Variants in TRMT61A observed in about 807,000 individuals in gnomAD.
The protein encoded by TRMT61A is tRNA (adenine(58)-N(1))-methyltransferase catalytic subunit TRMT61A.
TRMT61A carries 15 observed loss-of-function variants against 21.3 expected under a neutral mutation model. That is an observed-to-expected ratio of 0.70 (90% CI 0.47 to 1.08). The LOEUF (loss-of-function observed/expected upper bound fraction) is 1.08. TRMT61A is among the 50% of genes least tolerant of loss of function. TRMT61A has a pLI of 0.00. For synonymous variants in TRMT61A, 183 were observed against 185.5 expected (o/e 0.99, Z 0.11); for missense variants, 352 against 426.7 (o/e 0.83, Z 1.54).
chr14:103,529,323 GC>G, intron 1 of TRMT61A, 62 bp downstream of exon 1: 1 of 218,872 alleles, frequency 4.6e-6, no homozygotes, highest in South Asian at 4.1e-5. Context: ...GCCGGGCACG[GC>G]GCGCAGGGCC....
chr14:103,529,612 A>T lies in TRMT61A; in HGVS notation c.-29-338A>T, dbSNP rs114539897. Among the ~76,000 whole-genome samples the T allele has an allele frequency of 1.6e-3, 245 of 152,354 alleles. 1 individual carries two copies. The highest frequency in any genetic ancestry group is 5.6e-3 in the African/African-American group (231 of 41,600). On this transcript the variant is annotated intron_variant, in intron 1 of 3. Coordinates refer to ENST00000389749, the MANE Select transcript of TRMT61A (RefSeq NM_152307.3). ...CGCTTCCTCATCTCACATCTTGGGA[A>T]TGGGAGTCAAGCTCCTGGAGAAGGG...
chr14:103,532,243 C>G (rs2075956975), intron 2 of TRMT61A, among the ~76,000 whole-genome samples: 1 of 152,146 alleles, frequency 6.6e-6, no homozygotes, highest in South Asian at 2.1e-4. Flanking sequence ...ACAGATTTCC[C>G]CGGAGGCTCC....
Position 103,535,589 on chromosome 14 carries a change from C to T in TRMT61A, c.*768C>T, listed in dbSNP as rs2075971171. ...AGGCAACCAGGCAAGTGTGTCGGGG[C>T]TGGGGTGTGAATGCCAGCCTGTGAG... is the stretch of plus-strand genomic sequence containing the variant. On this transcript the variant is annotated 3_prime_UTR_variant, in exon 4 of 4. Transcript: ENST00000389749. 6.0e-6 allele frequency: 2 copies of T among 335,234 alleles called. No homozygotes were observed. The highest frequency in any genetic ancestry group is 1.2e-5 in the Non-Finnish European group (2 of 168,576). The allele number at this position is 335,234 out of a possible 1,614,324, so 20.8% of individuals were successfully genotyped here.
At position 103,535,531 on chromosome 14, in the gene TRMT61A, C is replaced by T. The variant is rs748795314; in HGVS notation, c.*710C>T. ...CACTCGCTGAGGCCAGGCAGCGCTG[C>T]GGAGAGGAGCGGCAGAGTGGGTTGT... On this transcript the variant is annotated 3_prime_UTR_variant, in exon 4 of 4. Transcript: ENST00000389749. The T allele has an allele frequency of 1.0e-4, 35 of 344,868 alleles. No individual in the cohort carries two copies. The highest frequency in any genetic ancestry group is 1.4e-4 in the Non-Finnish European group (24 of 173,294). 21.4% of individuals were successfully genotyped at this position (344,868 alleles called of 1,614,324 possible). A position where few individuals can be genotyped will look rare whatever the true frequency, so the allele number is the denominator to read the frequency against.
In TRMT61A at chr14:103,531,615, GGAGGGGCTGGACAGGTGGGGA is replaced by G. The variant is rs902522863; in HGVS notation, c.332-956_332-936del. Reference sequence around the variant, plus strand: ...AGGCAGCAGGCTGGGGGCACCCAGGGGAGGGGCTGGACAGGTGGGGAGAGGGGCTGGCCCCTGAAAGGAATG... The same window carrying G: ...AGGCAGCAGGCTGGGGGCACCCAGGGGAGGGGCTGGCCCCTGAAAGGAATG... On this transcript the variant is annotated intron_variant, in intron 2 of 3. Coordinates refer to ENST00000389749, the MANE Select transcript of TRMT61A (RefSeq NM_152307.3). The surrounding 1 kb of genome is among the most constrained non-coding windows in gnomAD (Gnocchi z 5.1). Among the ~76,000 whole-genome samples, 1 of 152,142 alleles carries G rather than the reference GGAGGGGCTGGACAGGTGGGGA, an allele frequency of 6.6e-6. No individual in the cohort carries two copies. Among genetic ancestry groups the G allele is most frequent in the Non-Finnish European group, 1.5e-5 (1 of 68,010 alleles).
In TRMT61A at chr14:103,534,559, TCTG is replaced by T. The variant is rs1163104760; in HGVS notation, c.611_613del (p.Cys204del). On this transcript the variant is annotated inframe_deletion, in exon 4 of 4. Transcript: ENST00000389749. ...GTCCTGTTTCCCACAGGCGGGCGCT[TCTG>T]CTCCTTCTCACCGTGCATCGAGCAG... 6.4e-7 allele frequency: 1 copy of T among 1,561,730 alleles called. No homozygotes were observed.
Position 103,535,023 on chromosome 14 carries a change from C to A in TRMT61A, c.*202C>A, listed in dbSNP as rs1347729528. On this transcript the variant is annotated 3_prime_UTR_variant, in exon 4 of 4. Transcript: ENST00000389749. ...TGCTGGGGCTGGGCCTCAGCCATTC[C>A]TGTCCAGCCCTGTGGCCCATCCCAG... The A allele has an allele frequency of 1.4e-6, 1 of 730,888 alleles. No individual in the cohort carries two copies. The highest frequency in any genetic ancestry group is 2.0e-5 in the Admixed American group (1 of 49,978). 45.3% of individuals were successfully genotyped at this position (730,888 alleles called of 1,614,324 possible).
At chr14:103,530,415 TA>T (rs2075950245) in intron 2 of TRMT61A, 106 bp downstream of exon 2, 1 of 1,001,084 alleles carries the variant, frequency 1.0e-6, no homozygotes, top group African/African-American at 1.6e-5. Context: ...CCTCAGTTTC[TA>T]TTTTCACATC....
At position 103,531,172 on chromosome 14, in the gene TRMT61A, C is replaced by T. The variant is rs145749898; in HGVS notation, c.331+863C>T. Among the ~76,000 whole-genome samples the T allele has an allele frequency of 6.6e-6, 1 of 152,284 alleles. No homozygotes were observed. Among genetic ancestry groups the T allele is most frequent in the African/African-American group, 2.4e-5 (1 of 41,566 alleles). On this transcript the variant is annotated intron_variant, in intron 2 of 3. Transcript: ENST00000389749. The surrounding 1 kb of genome is among the most constrained non-coding windows in gnomAD (Gnocchi z 5.1). ...CCTCCTCAGATATGCCAGGTCCCCT[C>T]CTAGGAACCGTGAACTAGAGAGACC...
chr14:103,530,461 A>C, intron 2 of TRMT61A, 152 bp downstream of exon 2: 1 of 723,300 alleles, frequency 1.4e-6, no homozygotes, highest in Non-Finnish European at 2.2e-6. Flanking sequence ...GTGAAGGTGG[A>C]GGCAGAGAAG....
intron 3 of TRMT61A, among the ~76,000 whole-genome samples, chr14:103,533,171 A>G (rs911552): frequency 0.42 from 64,481 of 151,962 alleles, 14,083 homozygotes; most frequent in East Asian, 0.53. Context: ...GTTTCCCAAA[A>G]CCTCTCCTCC....
chr14:103,536,395 T>C lies in TRMT61A; in HGVS notation c.*1574T>C, dbSNP rs1206102034. 6.6e-6 allele frequency: 1 copy of C among 152,412 alleles called. No individual in the cohort carries two copies. The highest frequency in any genetic ancestry group is 1.5e-5 in the Non-Finnish European group (1 of 68,212). The allele number at this position is 152,412 out of a possible 1,614,324, so 9.4% of individuals were successfully genotyped here. On this transcript the variant is annotated 3_prime_UTR_variant, in exon 4 of 4. Transcript: ENST00000389749. ...ACTGTGGGTCACCGGGGGCTGTGGC[T>C]AATGTGGTCCGGGAGGCCTGTGTCC...
rs761857212 is a variant in TRMT61A at position 103,532,744 on chromosome 14, G to A, written c.494G>A (p.Cys165Tyr). ...RWVTVRTQDV[C>Y]RSGFGVSHVA... Reference sequence around the variant, plus strand: ...GTGACTGTGCGCACCCAGGACGTGTGCCGCAGTGGCTTTGGCGTGAGCCAC... The same window carrying A: ...GTGACTGTGCGCACCCAGGACGTGTACCGCAGTGGCTTTGGCGTGAGCCAC... The change falls in exon 3 of 4, where the codon TGC becomes TAC. Residue 165 changes from cysteine to tyrosine, a missense_variant. Cys to Tyr is a radical substitution (Grantham distance 194, BLOSUM62 -2). Transcript: ENST00000389749. The A allele has an allele frequency of 1.9e-6, 3 of 1,603,474 alleles. No individual in the cohort carries two copies. Among genetic ancestry groups the A allele is most frequent in the South Asian group, 2.2e-5 (2 of 89,818 alleles).
Position 103,535,441 on chromosome 14 carries a change from C to G in TRMT61A, c.*620C>G. On this transcript the variant is annotated 3_prime_UTR_variant, in exon 4 of 4. Coordinates refer to ENST00000389749, the MANE Select transcript of TRMT61A (RefSeq NM_152307.3). ...TCACAGCACTGAGCTCAGCCCAGGC[C>G]TTCGTCCACTCATGTCCAAGAGGCG... 2.3e-6 allele frequency: 1 copy of G among 427,228 alleles called. No homozygotes were observed. The highest frequency in any genetic ancestry group is 1.7e-5 in the South Asian group (1 of 60,228). The allele number at this position is 427,228 out of a possible 1,614,324, so 26.5% of individuals were successfully genotyped here.
At chr14:103,533,508 T>A (rs1222737384) in intron 3 of TRMT61A, among the ~76,000 whole-genome samples, 1 of 152,182 alleles carries the variant, frequency 6.6e-6, no homozygotes, top group Admixed American at 6.5e-5. Context: ...TGGGTCCTGG[T>A]CTCTGCTGAG....
rs117504514 is a variant in TRMT61A at position 103,535,197 on chromosome 14, A to G, written c.*376A>G. The G allele has an allele frequency of 1.2e-3, 617 of 501,670 alleles. 7 individuals carry two copies. In the East Asian group the frequency reaches 0.025, roughly 20 times the overall value. 31.1% of individuals were successfully genotyped at this position (501,670 alleles called of 1,614,324 possible). On this transcript the variant is annotated 3_prime_UTR_variant, in exon 4 of 4. Transcript: ENST00000389749. ...GAGGGAGGGGGGCATTGACCCTGAG[A>G]CCACGCTGCGTCTGACCCCTGGGCC...
chr14:103,530,126 A>G lies in TRMT61A; in HGVS notation c.148A>G (p.Ile50Val). The G allele has an allele frequency of 6.2e-7, 1 of 1,612,932 alleles. No individual in the cohort carries two copies. Among genetic ancestry groups the G allele is most frequent in the Non-Finnish European group, 8.5e-7 (1 of 1,180,002 alleles). The stretch of plus-strand genomic sequence containing the variant: ...TGTCCTGCGGCACTCAGTTGACCTT[A>G]TCGGCCGCCCCTTCGGCTCCAAGGT... ...HGVLRHSVDL[I>V]GRPFGSKVTC... The change falls in exon 2 of 4, where the codon ATC becomes GTC. Residue 50 changes from isoleucine (I) to valine (V), a missense_variant. Transcript: ENST00000389749.
rs1243632723 is a variant in TRMT61A, at chr14:103,531,485, G to A, written c.332-1097G>A. 6.6e-6 allele frequency among the ~76,000 whole-genome samples: 1 copy of A among 152,226 alleles called. No individual in the cohort carries two copies. Among genetic ancestry groups the A allele is most frequent in the African/African-American group, 2.4e-5 (1 of 41,468 alleles). On this transcript the variant is annotated intron_variant, in intron 2 of 3. Transcript: ENST00000389749. The surrounding 1 kb of genome is among the most constrained non-coding windows in gnomAD (Gnocchi z 5.1). ...TCAGGCTCAGTGGGGGAGGCAGAGG[G>A]GCTGGGAGTGAGGTTGGAGGGGAAG... is the stretch of plus-strand genomic sequence containing the variant.
At position 103,529,945 on chromosome 14, in the gene TRMT61A, C is replaced by A. The variant is rs759513946; in HGVS notation, c.-29-5C>A. 1.9e-6 allele frequency: 3 copies of A among 1,564,100 alleles called. No homozygotes were observed. Among genetic ancestry groups the A allele is most frequent in the East Asian group, 4.7e-5 (2 of 42,762 alleles). ...TTGCTCATGCCTACACACACCCCTC[C>A]CCAGGTCCTTGGCCCTTGCCAGACA... On this transcript the variant is annotated splice_polypyrimidine_tract_variant and splice_region_variant and intron_variant, in intron 1 of 3. Coordinates refer to ENST00000389749, the MANE Select transcript of TRMT61A (RefSeq NM_152307.3).
Sources: allele counts gnomAD v4.1 joint callset (sites outside exome capture counted in the v4.1 genomes callset), GRCh38; gene constraint gnomAD v4.1.1; non-coding constraint Gnocchi (gnomAD v3.1); transcripts MANE v1.5; gene names NCBI Gene and HGNC (gene_info 2026-07-23, HGNC 2026-07-21).